Variants in PRDM1 observed in about 807,000 individuals in gnomAD.
PRDM1 encodes PR domain zinc finger protein 1.
In PRDM1, 13 loss-of-function variants were observed where a neutral mutation model predicts 62.8. That is an observed-to-expected ratio of 0.21 (90% CI 0.13 to 0.33). PRDM1 has a LOEUF of 0.33. PRDM1 is among the 10% of genes least tolerant of loss of function. The probability of loss-of-function intolerance (pLI) is 1.00; values close to 1 mark genes in which losing one functional copy is unlikely to be tolerated. For missense variants in PRDM1, 895 were observed against 1,058.8 expected (o/e 0.85, Z 2.15); for synonymous variants, 396 against 417.6 (o/e 0.95, Z 0.63).
intron 1 of PRDM1, among the ~76,000 whole-genome samples, chr6:106,042,139 A>G (rs1773005869): frequency 6.6e-6 from 1 of 151,610 alleles, no homozygotes; most frequent in Non-Finnish European, 1.5e-5. Flanking sequence ...AACATTTTTA[A>G]ATGTTTTGAT....
intron 4 of PRDM1, 103 bp from the exon 5 acceptor site, chr6:106,104,722 C>T: frequency 1.4e-6 from 2 of 1,385,872 alleles, no homozygotes; most frequent in Non-Finnish European, 2.0e-6. Context: ...GATTGTGTCG[C>T]CAGCTGTTAC....
At chr6:106,082,796 G>A (rs946540536), upstream of PRDM1, among the ~76,000 whole-genome samples, 5 of 152,296 alleles carry the variant, frequency 3.3e-5, no homozygotes, top group East Asian at 9.6e-4. Context: ...GAATATGTTT[G>A]TCAAAAGTTT....
chr6:106,003,564 T>A (rs1258945906), intron 1 of PRDM1, among the ~76,000 whole-genome samples: 2 of 152,238 alleles, frequency 1.3e-5, no homozygotes, highest in African/African-American at 4.8e-5. Flanking sequence ...GCTGGTAACA[T>A]ACTTCTGGCC....
chr6:106,099,155 T>A, intron 3 of PRDM1, 145 bp from the exon 4 acceptor site: 1 of 1,606,278 alleles, frequency 6.2e-7, no homozygotes, highest in East Asian at 2.2e-5. Context: ...TCAAGACTAT[T>A]CTGGCTAAAC....
upstream of PRDM1, chr6:106,045,720 G>A (rs1242782433): frequency 6.6e-6 from 1 of 152,082 alleles, no homozygotes. Flanking sequence ...TCTAAAACGG[G>A]GTCAACAAAA....
chr6:106,002,983 A>G (rs1425951144), intron 1 of PRDM1, among the ~76,000 whole-genome samples: 1 of 148,954 alleles, frequency 6.7e-6, no homozygotes, highest in Admixed American at 6.8e-5. Context: ...TTATAATGCA[A>G]TGTTATTAGT....
rs558200524 is a variant in PRDM1, at chr6:106,056,486, T to C, written c.-67+7772T>C. On this transcript the variant is annotated intron_variant, in intron 1 of 6. Transcript: ENST00000651185. ...TCTGCTCCAGTATGTATCAACTTGC[T>C]TGGACTTTAATGCCTTCAGACCCAA... is the stretch of plus-strand genomic sequence containing the variant. Among the ~76,000 whole-genome samples the C allele has an allele frequency of 3.7e-4, 56 of 152,334 alleles. 1 individual carries two copies. Among genetic ancestry groups the C allele is most frequent in the South Asian group, 2.7e-3 (13 of 4,830 alleles).
At chr6:106,021,217 T>C (rs543247912) in intron 1 of PRDM1, among the ~76,000 whole-genome samples, 15 of 152,370 alleles carry the variant, frequency 9.8e-5, no homozygotes, top group Admixed American at 7.2e-4. Flanking sequence ...TCTTCGGTTA[T>C]GCTTTCTTTT....
At chr6:106,097,025 G>A (rs1774132398) in intron 3 of PRDM1, among the ~76,000 whole-genome samples, 2 of 152,146 alleles carry the variant, frequency 1.3e-5, no homozygotes, top group Non-Finnish European at 1.5e-5. Flanking sequence ...TTTAATCCAG[G>A]AAGTTTTTCA....
In PRDM1 at chr6:106,105,360, A is replaced by G; in HGVS notation, c.1200A>G (p.Pro400=). ...PGYAPLPHLP[P]AFIPSYNAHY... ...ACGCACCCCTGCCCCACCTCCCGCC[A>G]GCTTTCATCCCCTCGTACAACGCTC... Residue 400 remains proline (P), a synonymous_variant, in exon 5 of 7, where the codon CCA becomes CCG. Transcript: ENST00000369096. 6.2e-7 allele frequency: 1 copy of G among 1,613,662 alleles called. No homozygotes were observed. The highest frequency in any genetic ancestry group is 1.1e-5 in the South Asian group (1 of 91,058).
At chr6:106,014,667 T>A (rs1295706595) in intron 1 of PRDM1, among the ~76,000 whole-genome samples, 3 of 150,172 alleles carry the variant, frequency 2.0e-5, no homozygotes, top group Non-Finnish European at 4.4e-5. Flanking sequence ...AAATTAAATA[T>A]ACTATAAATT....
intron 1 of PRDM1, among the ~76,000 whole-genome samples, chr6:106,054,872 A>G (rs562652455): frequency 2.2e-4 from 33 of 152,352 alleles, no homozygotes; most frequent in African/African-American, 7.7e-4. Flanking sequence ...TTCTTTCATA[A>G]GCAAAAACAT....
At chr6:106,051,311 G>C (rs1211440387) in intron 1 of PRDM1, among the ~76,000 whole-genome samples, 3 of 152,192 alleles carry the variant, frequency 2.0e-5, no homozygotes, top group African/African-American at 4.8e-5. Flanking sequence ...AACCTCAGTG[G>C]GCTAGGTCTT....
chr6:106,094,592 G>A (rs192584661), intron 2 of PRDM1, among the ~76,000 whole-genome samples: 130 of 152,248 alleles, frequency 8.5e-4, no homozygotes, highest in Admixed American at 4.7e-3. Flanking sequence ...GCTTTCCTCC[G>A]TATAAACTTA....
chr6:106,105,543 C>T lies in PRDM1; in HGVS notation c.1383C>T (p.Leu461=), dbSNP rs1232046604. ...LGGGSLPHPM[L]NPTSLPSSLP... is the part of the protein sequence containing the mutation. ...GGGGCAGCCTGCCCCACCCCATGCT[C>T]AACCCCACTTCTCTCCCGAGCTCGC... The change falls in exon 5 of 7, where the codon CTC becomes CTT. Residue 461 remains leucine, a synonymous_variant. Transcript: ENST00000369096. 6.2e-7 allele frequency: 1 copy of T among 1,612,998 alleles called. No individual in the cohort carries two copies. The highest frequency in any genetic ancestry group is 8.5e-7 in the Non-Finnish European group (1 of 1,179,222).
intron 1 of PRDM1, among the ~76,000 whole-genome samples, chr6:106,027,994 T>C (rs766279419): frequency 6.6e-5 from 10 of 152,210 alleles, no homozygotes; most frequent in African/African-American, 9.6e-5. Context: ...TCAGCACCAA[T>C]AGAGTTGAGA....
At chr6:106,088,517 G>A (rs568997560) in intron 2 of PRDM1, 68 bp downstream of exon 2, 21 of 1,572,980 alleles carry the variant, frequency 1.3e-5, no homozygotes, top group Non-Finnish European at 1.8e-5. Flanking sequence ...TGCCCTTGAG[G>A]CCTTGTATAT....
chr6:106,035,622 G>T (rs959180399), intron 1 of PRDM1, among the ~76,000 whole-genome samples: 9 of 151,936 alleles, frequency 5.9e-5, no homozygotes, highest in East Asian at 1.9e-4. Context: ...GAGAGAGAGA[G>T]ACCCTGTCTC....
chr6:106,008,656 C>G (rs891511651), intron 1 of PRDM1, among the ~76,000 whole-genome samples: 9 of 152,190 alleles, frequency 5.9e-5, no homozygotes, highest in African/African-American at 2.2e-4. Flanking sequence ...AGGGCCCAGT[C>G]AGACCCCTTC....
Sources: gnomAD v4.1 joint callset for allele counts (sites outside exome capture counted in the v4.1 genomes callset) on GRCh38, gnomAD v4.1.1 for gene constraint, MANE v1.5 for transcripts, NCBI Gene and HGNC (gene_info 2026-07-23, HGNC 2026-07-21) for gene names.